NPAS3: variants seen among roughly 807,000 people sequenced by gnomAD.
The protein encoded by NPAS3 is neuronal PAS domain-containing protein 3.
NPAS3 carries 14 observed loss-of-function variants against 73.1 expected under a neutral mutation model. That is an observed-to-expected ratio of 0.19 (90% confidence interval 0.13 to 0.30). NPAS3 has a LOEUF of 0.30. NPAS3 is among the 10% of genes least tolerant of loss of function. The probability of loss-of-function intolerance (pLI) is 1.00; values close to 1 mark genes in which losing one functional copy is unlikely to be tolerated. For synonymous variants in NPAS3, 620 were observed against 541.5 expected, an observed-to-expected ratio of 1.14 and a Z score of -2.01; for missense variants, 1,096 against 1,250.0, an observed-to-expected ratio of 0.88 and a Z score of 1.86.
intron 4 of NPAS3, among the ~76,000 whole-genome samples, chr14:33,543,981 A>ATATATATATATATATATATATC (rs2054649002): frequency 2.7e-5 from 1 of 36,892 alleles, no homozygotes; most frequent in South Asian, 7.0e-4. Flanking sequence ...ATATATATAT[A>ATATATATATATATATATATATC]TATATATATA....
At chr14:33,546,596 G>A (rs1694909478) in intron 4 of NPAS3, among the ~76,000 whole-genome samples, 1 of 152,056 alleles carries the variant, frequency 6.6e-6, no homozygotes, top group Admixed American at 6.6e-5. Context: ...TGTGGGACAG[G>A]GATTTTTATC....
intron 4 of NPAS3, among the ~76,000 whole-genome samples, chr14:33,369,972 A>T (rs1179518060): frequency 1.3e-5 from 2 of 152,140 alleles, no homozygotes; most frequent in Non-Finnish European, 2.9e-5. Context: ...GACTGGAATG[A>T]ATTCTGTCTT....
At chr14:33,176,404 T>G (rs1010764730) in intron 2 of NPAS3, among the ~76,000 whole-genome samples, 3 of 152,192 alleles carry the variant, frequency 2.0e-5, no homozygotes, top group African/African-American at 7.2e-5. Flanking sequence ...CTCTGGTAAC[T>G]TCTAATCTAC....
intron 3 of NPAS3, among the ~76,000 whole-genome samples, chr14:33,326,659 G>T (rs2043723168): frequency 6.6e-6 from 1 of 152,138 alleles, no homozygotes; most frequent in Non-Finnish European, 1.5e-5. Flanking sequence ...AGAGAGAAGT[G>T]GTCAAAACTT....
intron 4 of NPAS3, among the ~76,000 whole-genome samples, chr14:33,395,020 A>G (rs2047161551): frequency 6.6e-6 from 1 of 152,186 alleles, no homozygotes; most frequent in South Asian, 2.1e-4. Context: ...AATTATAACA[A>G]TTAGGCTTTA....
intron 1 of NPAS3, among the ~76,000 whole-genome samples, chr14:33,009,979 G>A (rs1036411234): frequency 6.6e-6 from 1 of 152,162 alleles, no homozygotes; most frequent in African/African-American, 2.4e-5. Context: ...TTCGTTCCAC[G>A]ATTCAGTTAC....
At chr14:33,418,545 T>C (rs2048247274) in intron 4 of NPAS3, among the ~76,000 whole-genome samples, 2 of 152,014 alleles carry the variant, frequency 1.3e-5, no homozygotes, top group South Asian at 4.1e-4. Flanking sequence ...ACTCTTTGCT[T>C]CCCCTCTCTT....
chr14:33,709,696 G>A (rs888061688), intron 6 of NPAS3, among the ~76,000 whole-genome samples: 6 of 152,144 alleles, frequency 3.9e-5, no homozygotes, highest in African/African-American at 4.8e-5. Flanking sequence ...ACTGAAGCCC[G>A]CAAAGGTTTA....
At chr14:33,592,930 AAAATTTT>A (rs2057119056) in intron 5 of NPAS3, among the ~76,000 whole-genome samples, 1 of 152,114 alleles carries the variant, frequency 6.6e-6, no homozygotes, top group South Asian at 2.1e-4. Context: ...CAGTGCTGTG[AAAATTTT>A]GCAAACTTAC....
At chr14:33,723,955 A>G (rs1360127188) in intron 6 of NPAS3, among the ~76,000 whole-genome samples, 2 of 152,022 alleles carry the variant, frequency 1.3e-5, no homozygotes, top group Non-Finnish European at 1.5e-5. Flanking sequence ...AAATATATAT[A>G]TCCATTTTTT....
chr14:33,124,524 T>G (rs1225010961), intron 2 of NPAS3, among the ~76,000 whole-genome samples: 1 of 152,102 alleles, frequency 6.6e-6, no homozygotes, highest in Non-Finnish European at 1.5e-5. Context: ...GATATCACAT[T>G]AGAACAATAT....
At chr14:33,567,296 T>C (rs892634830) in intron 5 of NPAS3, among the ~76,000 whole-genome samples, 1 of 152,244 alleles carries the variant, frequency 6.6e-6, no homozygotes, top group African/African-American at 2.4e-5. Context: ...ACGTGCTTCC[T>C]TGCTTTTGAC....
chr14:32,962,110 T>C (rs1479203218), intron 1 of NPAS3, among the ~76,000 whole-genome samples: 1 of 152,218 alleles, frequency 6.6e-6, no homozygotes, highest in Admixed American at 6.5e-5. Flanking sequence ...TGCTTTTTGA[T>C]GTTAGTAAGA....
At chr14:33,736,033 GC>G (rs535928193) in intron 7 of NPAS3, among the ~76,000 whole-genome samples, 1 of 152,168 alleles carries the variant, frequency 6.6e-6, no homozygotes, top group Admixed American at 6.6e-5. Flanking sequence ...TTCATGAAAT[GC>G]CTTTGGCAAC....
chr14:33,459,394 A>G (rs1208998080), intron 4 of NPAS3, among the ~76,000 whole-genome samples: 1 of 152,238 alleles, frequency 6.6e-6, no homozygotes, highest in African/African-American at 2.4e-5. Flanking sequence ...AATATTATAC[A>G]AATGTAAGGT....
At chr14:33,356,770 T>C (rs559415320) in intron 3 of NPAS3, among the ~76,000 whole-genome samples, 3 of 152,348 alleles carry the variant, frequency 2.0e-5, no homozygotes, top group Admixed American at 1.3e-4. Flanking sequence ...TATTGTCTTA[T>C]GAAGAGGGTT....
intron 4 of NPAS3, among the ~76,000 whole-genome samples, chr14:33,460,540 C>A (rs376965728): frequency 6.6e-6 from 1 of 152,096 alleles, no homozygotes; most frequent in Non-Finnish European, 1.5e-5. Context: ...ATGTATCAAC[C>A]CTTTCTGAAT....
At chr14:33,110,103 C>T (rs2138955724) in intron 2 of NPAS3, among the ~76,000 whole-genome samples, 1 of 152,120 alleles carries the variant, frequency 6.6e-6, no homozygotes, top group South Asian at 2.1e-4. Flanking sequence ...CGTTGAGTGA[C>T]AAATTCAGTT....
intron 3 of NPAS3, among the ~76,000 whole-genome samples, chr14:33,362,687 G>A (rs935757335): frequency 6.6e-6 from 1 of 152,034 alleles, no homozygotes; most frequent in Non-Finnish European, 1.5e-5. Context: ...GGGGTTACCG[G>A]GCATGAAGCC....
Sources: gnomAD v4.1 joint callset for allele counts (sites outside exome capture counted in the v4.1 genomes callset) on GRCh38, gnomAD v4.1.1 for gene constraint, MANE v1.5 for transcripts, NCBI Gene and HGNC (gene_info 2026-07-23, HGNC 2026-07-21) for gene names.